The following ST6GALNAC5 variants were observed in gnomAD, a reference collection of about 807,000 sequenced individuals.
ST6GALNAC5 encodes ST6 N-acetylgalactosaminide alpha-2,6-sialyltransferase 5, also known as alpha-N-acetylgalactosaminide alpha-2,6-sialyltransferase 5.
A neutral mutation model predicts 33.6 loss-of-function variants in ST6GALNAC5; 27 were observed. The observed-to-expected ratio is 0.80, with a 90% CI of 0.59 to 1.11. ST6GALNAC5 has a LOEUF of 1.11. Ranked by LOEUF, ST6GALNAC5 falls within the 50% of genes least tolerant of loss-of-function variation. ST6GALNAC5 has a pLI of 0.00. For synonymous variants in ST6GALNAC5, 194 were observed against 171.2 expected (o/e 1.13, Z -1.04); for missense variants, 428 against 454.0 (o/e 0.94, Z 0.52).
chr1:76,873,825 T>C (rs571908083), intron 2 of ST6GALNAC5, among the ~76,000 whole-genome samples: 1 of 152,322 alleles, frequency 6.6e-6, no homozygotes, highest in East Asian at 1.9e-4. Flanking sequence ...CTGTAGCTAA[T>C]TCATTTCTAG....
intron 2 of ST6GALNAC5, among the ~76,000 whole-genome samples, chr1:76,956,178 A>G (rs1408161405): frequency 6.6e-6 from 1 of 152,118 alleles, no homozygotes; most frequent in African/African-American, 2.4e-5. Flanking sequence ...ATAATTCCAT[A>G]ATTTCAGGGT....
intron 2 of ST6GALNAC5, among the ~76,000 whole-genome samples, chr1:76,965,029 C>T (rs562538964): frequency 5.8e-4 from 88 of 152,100 alleles, no homozygotes; most frequent in Non-Finnish European, 1.0e-3. Flanking sequence ...TGGGTTGGTT[C>T]CAAGTCTTTG....
chr1:76,980,307 A>C (rs1175551607), intron 2 of ST6GALNAC5, among the ~76,000 whole-genome samples: 1 of 152,106 alleles, frequency 6.6e-6, no homozygotes, highest in African/African-American at 2.4e-5. Flanking sequence ...ACTTTTTAAC[A>C]TTTAGGTGCT....
Position 76,868,414 on chromosome 1 carries a change from A to G in ST6GALNAC5, c.16-83A>G. The G allele has an allele frequency of 6.6e-7, 1 of 1,513,070 alleles. No individual in the cohort carries two copies. 93.7% of individuals were successfully genotyped at this position (1,513,070 alleles called of 1,614,324 possible). A position where few individuals can be genotyped will look rare whatever the true frequency, so the allele number is the denominator to read the frequency against. ...CCAAATCTCCCCCACTAGAGTGACCACCGCACAGTTGTCCCCGCTGGGCGC... is the reference window on the plus strand; with the variant it reads ...CCAAATCTCCCCCACTAGAGTGACCGCCGCACAGTTGTCCCCGCTGGGCGC... On this transcript the variant is annotated intron_variant, in intron 1 of 4. Transcript: ENST00000477717. This position sits in a 1 kb window ranked among gnomAD's most constrained non-coding sequence, Gnocchi z 4.3.
At chr1:77,001,704 T>G (rs1247485289) in intron 2 of ST6GALNAC5, among the ~76,000 whole-genome samples, 6 of 150,314 alleles carry the variant, frequency 4.0e-5, no homozygotes, top group East Asian at 2.0e-4. Context: ...CATGAAGGGT[T>G]GTTGAATTTT....
chr1:76,944,505 T>TC (rs946787037), intron 2 of ST6GALNAC5, among the ~76,000 whole-genome samples: 68 of 152,140 alleles, frequency 4.5e-4, no homozygotes, highest in African/African-American at 1.6e-3. Flanking sequence ...CTGCAACTTC[T>TC]CCCCCAACAA....
At chr1:77,013,776 C>T (rs1335024314) in intron 2 of ST6GALNAC5, among the ~76,000 whole-genome samples, 4 of 152,204 alleles carry the variant, frequency 2.6e-5, no homozygotes, top group Non-Finnish European at 4.4e-5. Flanking sequence ...TCCTGGAAGT[C>T]GGATGGCCTT....
rs193135136 is a variant in ST6GALNAC5, at chr1:76,890,025, G to A, written c.261+21283G>A. On this transcript the variant is annotated intron_variant, in intron 2 of 4. Transcript: ENST00000477717. ...GTGTGTTGTTTGTGTTCTTGCAGAT[G>A]TGTATGTTTATCATCACTCTACACT... Among the ~76,000 whole-genome samples, 20 of 152,184 alleles carry A rather than the reference G, an allele frequency of 1.3e-4. 1 individual carries two copies. The East Asian group carries it at 3.7e-3, about 28-fold the overall frequency.
chr1:77,027,066 A>T (rs1164774221), intron 2 of ST6GALNAC5, among the ~76,000 whole-genome samples: 1 of 152,174 alleles, frequency 6.6e-6, no homozygotes. Context: ...CACTCCAAAG[A>T]CAGAAAGCAA....
At chr1:76,953,127 G>A (rs550433355) in intron 2 of ST6GALNAC5, among the ~76,000 whole-genome samples, 1 of 152,150 alleles carries the variant, frequency 6.6e-6, no homozygotes, top group African/African-American at 2.4e-5. Flanking sequence ...TGCTGTTATG[G>A]ATAGAGCTGC....
chr1:77,033,806 G>T (rs555756924), intron 2 of ST6GALNAC5, among the ~76,000 whole-genome samples: 1 of 152,262 alleles, frequency 6.6e-6, no homozygotes, highest in South Asian at 2.1e-4. Flanking sequence ...AGAATAGAGA[G>T]TAGGGTGGGG....
intron 3 of ST6GALNAC5, 124 bp downstream of exon 3, chr1:77,044,737 A>G (rs1386268437): frequency 1.6e-6 from 2 of 1,228,354 alleles, no homozygotes. Flanking sequence ...TGTCATTGCT[A>G]GAGTTCACTT....
intron 2 of ST6GALNAC5, among the ~76,000 whole-genome samples, chr1:77,018,637 C>T (rs577514500): frequency 7.2e-5 from 11 of 152,324 alleles, no homozygotes; most frequent in African/African-American, 1.9e-4. Flanking sequence ...TTAAATCCTG[C>T]GTCTGCCACA....
At chr1:77,006,010 G>T (rs1242050937) in intron 2 of ST6GALNAC5, among the ~76,000 whole-genome samples, 1 of 152,072 alleles carries the variant, frequency 6.6e-6, no homozygotes, top group African/African-American at 2.4e-5. Flanking sequence ...ATTGACATTG[G>T]TATACAAAAT....
At chr1:76,961,125 A>T (rs1343581489) in intron 2 of ST6GALNAC5, among the ~76,000 whole-genome samples, 1 of 152,198 alleles carries the variant, frequency 6.6e-6, no homozygotes, top group Non-Finnish European at 1.5e-5. Flanking sequence ...GGGAACTAAT[A>T]AATGTCCATG....
intron 2 of ST6GALNAC5, among the ~76,000 whole-genome samples, chr1:76,873,297 G>C (rs561063598): frequency 2.0e-5 from 3 of 152,262 alleles, no homozygotes; most frequent in African/African-American, 7.2e-5. Context: ...GTCATTCTCT[G>C]TCATATTAGC....
At chr1:76,939,146 G>A (rs182276063) in intron 2 of ST6GALNAC5, among the ~76,000 whole-genome samples, 26 of 152,114 alleles carry the variant, frequency 1.7e-4, no homozygotes, top group Non-Finnish European at 2.6e-4. Flanking sequence ...TAATGGGATG[G>A]ATTGCTCTGC....
intron 2 of ST6GALNAC5, among the ~76,000 whole-genome samples, chr1:76,997,311 T>TG (rs934774464): frequency 1.3e-5 from 2 of 152,148 alleles, no homozygotes; most frequent in Non-Finnish European, 2.9e-5. Flanking sequence ...AAGAGAAGAC[T>TG]GTTAGGAACA....
At chr1:76,890,968 C>T (rs1398000436) in intron 2 of ST6GALNAC5, among the ~76,000 whole-genome samples, 1 of 152,114 alleles carries the variant, frequency 6.6e-6, no homozygotes, top group Admixed American at 6.6e-5. Context: ...AACCTCAATT[C>T]TCATATCATT....
Sources: gnomAD v4.1 joint callset for allele counts (sites outside exome capture counted in the v4.1 genomes callset) on GRCh38, gnomAD v4.1.1 for gene constraint, Gnocchi (gnomAD v3.1) non-coding constraint, MANE v1.5 for transcripts, NCBI Gene and HGNC (gene_info 2026-07-23, HGNC 2026-07-21) for gene names.